The following RPRD2 variants were observed in gnomAD, a reference collection of about 807,000 sequenced individuals.
RPRD2 encodes the protein regulation of nuclear pre-mRNA domain containing 2.
RPRD2 carries 12 observed loss-of-function variants against 104.4 expected under a neutral mutation model. The observed-to-expected ratio is 0.11, with a 90% CI of 0.07 to 0.19. The LOEUF (loss-of-function observed/expected upper bound fraction) is 0.19, where lower values mean the gene tolerates loss of function less well. Among genes scored for constraint, RPRD2 ranks in the 10% least tolerant of loss-of-function variants. The probability of loss-of-function intolerance (pLI) is 1.00; values close to 1 mark genes in which losing one functional copy is unlikely to be tolerated. For synonymous variants in RPRD2, 714 were observed against 684.9 expected (o/e 1.04, Z -0.66); for missense variants, 1,543 against 1,790.1 (o/e 0.86, Z 2.49).
chr1:150,398,735 G>C (rs1432146536), intron 1 of RPRD2, among the ~76,000 whole-genome samples: 1 of 151,608 alleles, frequency 6.6e-6, no homozygotes, highest in Admixed American at 6.6e-5. Context: ...TAGCAACCGG[G>C]TTTCACCATG....
intron 2 of RPRD2, among the ~76,000 whole-genome samples, chr1:150,439,627 C>CTTTTTTTT (rs66814229): frequency 8.4e-5 from 12 of 142,290 alleles, no homozygotes; most frequent in Non-Finnish European, 7.6e-5. Context: ...TTTGACATAG[C>CTTTTTTTT]TTTTTTTTTT....
chr1:150,471,110 A>T lies in RPRD2; in HGVS notation c.2162A>T (p.Asp721Val), dbSNP rs745318144. 5 of 1,613,882 alleles carry T rather than the reference A, an allele frequency of 3.1e-6. No homozygotes were observed. The highest frequency in any genetic ancestry group is 3.4e-6 in the Non-Finnish European group (4 of 1,179,904). Reference sequence around the variant, plus strand: ...ACTAGCACCTCAATCGACAACATTGATGGAACCCCTGTACGGGATGAACGG... The same window carrying T: ...ACTAGCACCTCAATCGACAACATTGTTGGAACCCCTGTACGGGATGAACGG... ...GPTSTSIDNIDGTPVRDERSG... is the reference protein window; with the variant it reads ...GPTSTSIDNIVGTPVRDERSG... Residue 721 changes from aspartate to valine, a missense_variant, in exon 11 of 11, where the codon GAT becomes GTT. Asp to Val is a radical substitution (Grantham distance 152, BLOSUM62 -3). Coordinates refer to ENST00000369068, the MANE Select transcript of RPRD2 (RefSeq NM_015203.5). The surrounding 1 kb of genome is among the most constrained non-coding windows in gnomAD (Gnocchi z 5.3).
chr1:150,431,585 A>G (rs782288225), intron 2 of RPRD2, among the ~76,000 whole-genome samples: 7 of 147,064 alleles, frequency 4.8e-5, no homozygotes, highest in South Asian at 4.3e-4. Flanking sequence ...GGTTCAAGCA[A>G]TTCTCCTGCC....
At chr1:150,380,820 A>G (rs782027569) in intron 1 of RPRD2, among the ~76,000 whole-genome samples, 2 of 151,894 alleles carry the variant, frequency 1.3e-5, no homozygotes, top group Non-Finnish European at 2.9e-5. Flanking sequence ...ACGTCCAGCT[A>G]ACTTTTTTGT....
chr1:150,471,258 A>T lies in RPRD2; in HGVS notation c.2310A>T (p.Pro770=). The T allele has an allele frequency of 6.2e-7, 1 of 1,612,956 alleles. No homozygotes were observed. Residue 770 remains proline (P), a synonymous_variant, in exon 11 of 11, where the codon CCA becomes CCT. Coordinates refer to ENST00000369068, the MANE Select transcript of RPRD2 (RefSeq NM_015203.5). This position sits in a 1 kb window ranked among gnomAD's most constrained non-coding sequence, Gnocchi z 5.3. ...CAACACCCAGCAGTACAAGATCACC[A>T]CCCCCTGGGAGAGATGAAAGCTACC... The part of the protein sequence containing the change: ...GSSTPSSTRS[P]PPGRDESYPR...
chr1:150,467,330 A>G (rs587669496), intron 10 of RPRD2, among the ~76,000 whole-genome samples: 2 of 152,228 alleles, frequency 1.3e-5, no homozygotes, highest in East Asian at 1.9e-4. Context: ...ATCAGGGACA[A>G]TTTGAGAGTT....
In RPRD2 at chr1:150,457,471, G is replaced by C. The variant is rs782368799; in HGVS notation, c.1054G>C (p.Glu352Gln). 1.2e-6 allele frequency: 2 copies of C among 1,613,848 alleles called. No homozygotes were observed. The highest frequency in any genetic ancestry group is 3.3e-5 in the Admixed American group (2 of 59,986). The change falls in exon 8 of 11, where the codon GAG (glutamate) becomes CAG (glutamine). Residue 352 changes from glutamate to glutamine, a missense_variant. By Grantham distance (29) the Glu-to-Gln change is conservative. Coordinates refer to ENST00000369068, the MANE Select transcript of RPRD2 (RefSeq NM_015203.5). The stretch of plus-strand genomic sequence containing the variant: ...TGAGGAATCCCAGTCACCAACCATG[G>C]AGAGTGAGAAATCTGCCACACCTGA... ...GGEESQSPTM[E>Q]SEKSATPEPV...
chr1:150,433,658 A>T (rs1665774493), intron 2 of RPRD2, among the ~76,000 whole-genome samples: 1 of 148,526 alleles, frequency 6.7e-6, no homozygotes, highest in Non-Finnish European at 1.5e-5. Context: ...GTTAGCCAGG[A>T]TGGTCTCAAT....
chr1:150,443,414 T>C, intron 5 of RPRD2, 131 bp downstream of exon 5: 1 of 605,146 alleles, frequency 1.7e-6, no homozygotes, highest in East Asian at 3.2e-5. Flanking sequence ...CATGAACTGT[T>C]CTAAAGGAAC....
intron 10 of RPRD2, among the ~76,000 whole-genome samples, chr1:150,465,183 C>G (rs1293011763): frequency 1.3e-5 from 2 of 151,796 alleles, no homozygotes; most frequent in Non-Finnish European, 2.9e-5. Context: ...GAATTTCACT[C>G]TTGTCGCCCA....
chr1:150,392,185 CA>C (rs1304078548), intron 1 of RPRD2, among the ~76,000 whole-genome samples: 39 of 138,052 alleles, frequency 2.8e-4, no homozygotes, highest in Admixed American at 5.8e-4. Context: ...GATTCCATCT[CA>C]AAAAAAAAAA....
chr1:150,457,189 A>G, intron 7 of RPRD2, 99 bp from the exon 8 acceptor site: 1 of 1,166,754 alleles, frequency 8.6e-7, no homozygotes, highest in East Asian at 2.4e-5. Flanking sequence ...GTGCCACTAC[A>G]CTCTAGCCTG....
intron 2 of RPRD2, among the ~76,000 whole-genome samples, chr1:150,424,722 T>TA (rs1421136749): frequency 6.6e-6 from 1 of 152,206 alleles, no homozygotes; most frequent in Non-Finnish European, 1.5e-5. Flanking sequence ...AGTCCTCTAT[T>TA]ATTTCTGTTC....
Position 150,448,159 on chromosome 1 carries a change from A to C in RPRD2, c.870+1758A>C, listed in dbSNP as rs144250450. Among the ~76,000 whole-genome samples, 507 of 152,032 alleles carry C rather than the reference A, an allele frequency of 3.3e-3. 2 individuals carry two copies. Among genetic ancestry groups the C allele is most frequent in the Middle Eastern group, 0.021 (6 of 292 alleles). On this transcript the variant is annotated intron_variant, in intron 7 of 10. Transcript: ENST00000369068. The stretch of plus-strand genomic sequence containing the variant: ...TTTCCAGCTTCAATCAACTATATTT[A>C]CTTTTTGTTGTTGTTGTCTTTTTTT...
chr1:150,384,442 A>G (rs587615439), intron 1 of RPRD2, among the ~76,000 whole-genome samples: 4 of 98,198 alleles, frequency 4.1e-5, no homozygotes, highest in African/African-American at 1.5e-4. Flanking sequence ...AATAAAAGGC[A>G]TCATCATCAT....
At chr1:150,404,971 T>C (rs1335806050) in intron 1 of RPRD2, among the ~76,000 whole-genome samples, 3 of 152,252 alleles carry the variant, frequency 2.0e-5, no homozygotes, top group African/African-American at 7.2e-5. Context: ...TTATAGCATG[T>C]GCTTTGCATG....
Position 150,373,533 on chromosome 1 carries a change from C to CT in RPRD2, c.205+8635dup, listed in dbSNP as rs56743462. Among the ~76,000 whole-genome samples, 628 of 97,392 alleles carry CT rather than the reference C, an allele frequency of 6.4e-3. 16 individuals are homozygous for CT. The highest frequency in any genetic ancestry group is 0.014 in the South Asian group (38 of 2,760). The allele number at this position is 97,392 out of a possible 152,430, so 63.9% of individuals were successfully genotyped here. On this transcript the variant is annotated intron_variant, in intron 1 of 10. Coordinates refer to ENST00000369068, the MANE Select transcript of RPRD2 (RefSeq NM_015203.5). ...AGAGGAGGAGAATAATCAAGAATGA[C>CT]TTTTTTTTTTTTTTTTTTTTTAGCT...
In RPRD2 at chr1:150,475,369, CTTGTTT is replaced by C. The variant is rs1560235702; in HGVS notation, c.*2036_*2041del. On this transcript the variant is annotated 3_prime_UTR_variant, in exon 11 of 11. Transcript: ENST00000369068. ...AAGAATGTGAATTCTCTTTGCTGCT[CTTGTTT>C]AAGCTAAAAGTAGTGTTTACTTGAT... 78 of 152,278 alleles carry C rather than the reference CTTGTTT, an allele frequency of 5.1e-4. No homozygotes were observed. Among genetic ancestry groups the C allele is most frequent in the African/African-American group, 1.9e-3 (77 of 41,442 alleles). 9.4% of individuals were successfully genotyped at this position (152,278 alleles called of 1,614,324 possible).
intron 5 of RPRD2, 148 bp downstream of exon 5, chr1:150,443,431 T>C (rs1403569047): frequency 2.0e-6 from 1 of 509,492 alleles, no homozygotes; most frequent in Non-Finnish European, 3.3e-6. Context: ...GAACCCAGAT[T>C]GGGATTAGAT....
Sources: allele counts gnomAD v4.1 joint callset (sites outside exome capture counted in the v4.1 genomes callset), GRCh38; gene constraint gnomAD v4.1.1; non-coding constraint Gnocchi (gnomAD v3.1); transcripts MANE v1.5; gene names NCBI Gene and HGNC (gene_info 2026-07-23, HGNC 2026-07-21).